Variants in SMOC2 observed in about 807,000 individuals in gnomAD.
The protein encoded by SMOC2 is SPARC related modular calcium binding 2, also known as SPARC-related modular calcium-binding protein 2.
SMOC2 carries 39 observed loss-of-function variants against 61.4 expected under a neutral mutation model. That is an observed-to-expected ratio of 0.64 (90% CI 0.49 to 0.83). The LOEUF (loss-of-function observed/expected upper bound fraction) is 0.83, where lower values mean the gene tolerates loss of function less well. Ranked by LOEUF, SMOC2 falls within the 40% of genes least tolerant of loss-of-function variation. The probability of loss-of-function intolerance (pLI) is 0.00; values close to 1 mark genes in which losing one functional copy is unlikely to be tolerated. For missense variants in SMOC2, 556 were observed against 592.9 expected (o/e 0.94, Z 0.65); for synonymous variants, 247 against 239.9 (o/e 1.03, Z -0.27).
chr6:168,490,964 A>C (rs971740604), intron 1 of SMOC2, among the ~76,000 whole-genome samples: 10 of 152,086 alleles, frequency 6.6e-5, no homozygotes, highest in African/African-American at 2.4e-4. Context: ...CACTCATTAA[A>C]AGGTGACCCC....
At chr6:168,662,849 G>T (rs1787558411) in intron 11 of SMOC2, among the ~76,000 whole-genome samples, 1 of 152,208 alleles carries the variant, frequency 6.6e-6, no homozygotes, top group African/African-American at 2.4e-5. Context: ...AGAGAGGCGT[G>T]ATCATGACTC....
rs562455501 is a variant in SMOC2 at position 168,580,789 on chromosome 6, T to C, written c.638-18029T>C. Among the ~76,000 whole-genome samples, 11 of 152,250 alleles carry C rather than the reference T, an allele frequency of 7.2e-5. No individual in the cohort carries two copies. In the South Asian group the frequency reaches 2.3e-3, roughly 32 times the overall value. ...AATTCCTGGGCTTAAGTGATCCTCCTACCTCAGCCTCCCAAAGTGTGGGTA... is the reference window on the plus strand; with the variant it reads ...AATTCCTGGGCTTAAGTGATCCTCCCACCTCAGCCTCCCAAAGTGTGGGTA... On this transcript the variant is annotated intron_variant, in intron 7 of 12. Transcript: ENST00000356284.
At chr6:168,498,227 G>A (rs376100910) in intron 1 of SMOC2, among the ~76,000 whole-genome samples, 1 of 152,330 alleles carries the variant, frequency 6.6e-6, no homozygotes, top group East Asian at 1.9e-4. Context: ...GTATCTTGGC[G>A]TTTGGATGCA....
intron 9 of SMOC2, among the ~76,000 whole-genome samples, chr6:168,626,820 G>A (rs1190761715): frequency 6.6e-6 from 1 of 152,192 alleles, no homozygotes; most frequent in African/African-American, 2.4e-5. Flanking sequence ...AGGAGATGTT[G>A]GGCTACACCT....
At chr6:168,500,105 G>A (rs910791761) in intron 1 of SMOC2, among the ~76,000 whole-genome samples, 2 of 151,846 alleles carry the variant, frequency 1.3e-5, no homozygotes, top group African/African-American at 2.4e-5. Flanking sequence ...TCAGGAGTTC[G>A]AGGCCAGCCT....
intron 4 of SMOC2, among the ~76,000 whole-genome samples, chr6:168,540,928 C>A (rs1783864387): frequency 6.6e-6 from 1 of 152,192 alleles, no homozygotes. Flanking sequence ...CCTCCCCTCA[C>A]TCACCTGGGA....
At chr6:168,631,695 G>C (rs1281593776) in intron 9 of SMOC2, among the ~76,000 whole-genome samples, 1 of 146,624 alleles carries the variant, frequency 6.8e-6, no homozygotes, top group African/African-American at 2.8e-5. Flanking sequence ...TTGAAGGAAT[G>C]CAGACATTGG....
intron 1 of SMOC2, among the ~76,000 whole-genome samples, chr6:168,492,477 A>G (rs971007853): frequency 3.3e-5 from 5 of 152,244 alleles, no homozygotes; most frequent in African/African-American, 7.2e-5. Flanking sequence ...ACCAATCTCA[A>G]CTTCACAAAG....
At chr6:168,441,929 C>T (rs1219003462) in intron 1 of SMOC2, among the ~76,000 whole-genome samples, 1 of 152,180 alleles carries the variant, frequency 6.6e-6, no homozygotes, top group Non-Finnish European at 1.5e-5. Context: ...GACTGGGCGC[C>T]CACCTCGCCC....
chr6:168,664,096 T>C lies in SMOC2; in HGVS notation c.1308T>C (p.Ser436=), dbSNP rs762424953. The stretch of plus-strand genomic sequence containing the variant: ...TAGCCCCCAGAGGTCATGCTGAAAG[T>C]ACGTCTAATAGACAGGTAAGTATGT... ...KRHTPRGHAE[S]TSNRQPRKQG The change falls in exon 12 of 13, where the codon AGT becomes AGC. Residue 436 remains serine (S), a synonymous_variant. Coordinates refer to ENST00000356284, the MANE Select transcript of SMOC2 (RefSeq NM_001166412.2). The C allele has an allele frequency of 1.1e-5, 17 of 1,605,192 alleles. No homozygotes were observed. In the South Asian group the frequency reaches 1.8e-4, roughly 17 times the overall value.
At chr6:168,546,047 A>G (rs1297508534) in intron 5 of SMOC2, among the ~76,000 whole-genome samples, 2 of 151,846 alleles carry the variant, frequency 1.3e-5, no homozygotes, top group Admixed American at 6.6e-5. Flanking sequence ...TGTTTTTGAG[A>G]GATTGCTCAA....
chr6:168,563,951 C>T lies in SMOC2; in HGVS notation c.637+14748C>T, dbSNP rs561933788. ...CGGGTGCTCACCTGCCTCATCTCAC[C>T]TCTAGTCCTGGTTAAAGCACACCCT... On this transcript the variant is annotated intron_variant, in intron 7 of 12. Coordinates refer to ENST00000356284, the MANE Select transcript of SMOC2 (RefSeq NM_001166412.2). 4.5e-4 allele frequency among the ~76,000 whole-genome samples: 69 copies of T among 152,286 alleles called. No homozygotes were observed. In the South Asian group the frequency reaches 0.014, roughly 32 times the overall value.
chr6:168,577,465 C>T (rs1421089873), intron 7 of SMOC2, among the ~76,000 whole-genome samples: 1 of 152,104 alleles, frequency 6.6e-6, no homozygotes, highest in Non-Finnish European at 1.5e-5. Context: ...TTCTGGTTTC[C>T]ATTGTGATGG....
At chr6:168,519,826 T>C (rs1022680953) in intron 2 of SMOC2, among the ~76,000 whole-genome samples, 1 of 152,250 alleles carries the variant, frequency 6.6e-6, no homozygotes, top group African/African-American at 2.4e-5. Context: ...TGGTTTCTTG[T>C]ATAAATATTA....
intron 7 of SMOC2, among the ~76,000 whole-genome samples, chr6:168,575,494 G>A (rs917829835): frequency 1.2e-4 from 19 of 152,290 alleles, no homozygotes; most frequent in African/African-American, 4.6e-4. Context: ...AGAATGAGGA[G>A]CGTGGACACA....
chr6:168,540,612 C>A (rs987277098), intron 4 of SMOC2, among the ~76,000 whole-genome samples: 1 of 152,140 alleles, frequency 6.6e-6, no homozygotes, highest in Non-Finnish European at 1.5e-5. Context: ...CTTCTCCCTG[C>A]AGCGCCACAT....
At chr6:168,450,248 G>A (rs1420433474) in intron 1 of SMOC2, among the ~76,000 whole-genome samples, 1 of 152,158 alleles carries the variant, frequency 6.6e-6, no homozygotes, top group Non-Finnish European at 1.5e-5. Context: ...GCATTCTGGT[G>A]GCCTGCTGTC....
intron 1 of SMOC2, among the ~76,000 whole-genome samples, chr6:168,459,620 T>C (rs1200492876): frequency 1.3e-3 from 3 of 2,284 alleles, no homozygotes; most frequent in Non-Finnish European, 2.4e-3. Context: ...GGGTGAGCCC[T>C]GGGGTGGGTG....
chr6:168,645,148 G>A (rs568324463), intron 9 of SMOC2, among the ~76,000 whole-genome samples: 7 of 152,142 alleles, frequency 4.6e-5, no homozygotes, highest in Non-Finnish European at 5.9e-5. Context: ...AATTCTCAGC[G>A]CCTTTCTTAC....
Sources: gnomAD v4.1 joint callset for allele counts (sites outside exome capture counted in the v4.1 genomes callset) on GRCh38, gnomAD v4.1.1 for gene constraint, MANE v1.5 for transcripts, NCBI Gene and HGNC (gene_info 2026-07-23, HGNC 2026-07-21) for gene names.